MUC4: variants seen among roughly 807,000 people sequenced by gnomAD.
MUC4 encodes the protein mucin 4, cell surface associated.
A neutral mutation model predicts 257.9 loss-of-function variants in MUC4; 202 were observed. The observed-to-expected ratio is 0.78, with a 90% CI of 0.70 to 0.88. The LOEUF (loss-of-function observed/expected upper bound fraction) is 0.88, where lower values mean the gene tolerates loss of function less well. Among genes scored for constraint, MUC4 ranks in the 40% least tolerant of loss-of-function variants. MUC4 has a pLI of 0.00. For synonymous variants in MUC4, 2,351 were observed against 2,757.1 expected (o/e 0.85, Z 4.62); for missense variants, 5,976 against 6,513.7 (o/e 0.92, Z 2.84).
At chr3:195,808,120 T>C (rs752387873) in intron 1 of MUC4, among the ~76,000 whole-genome samples, 7 of 152,188 alleles carry the variant, frequency 4.6e-5, no homozygotes, top group Non-Finnish European at 1.0e-4. Flanking sequence ...CGAGGATCCT[T>C]AGATGAAGGG....
rs924693988 is a variant in MUC4 at position 195,798,939 on chromosome 3, A to T, written c.83-7442T>A. The stretch of plus-strand genomic sequence containing the variant: ...AGGGGGACTGGGAGAGCTCAGCTCC[A>T]TAGTAAAATCTAGGGTGCTGTATAA... On this transcript the variant is annotated intron_variant, in intron 1 of 24. Transcript: ENST00000463781. 2.0e-5 allele frequency among the ~76,000 whole-genome samples: 3 copies of T among 152,192 alleles called. No individual in the cohort carries two copies. In the South Asian group the frequency reaches 6.2e-4, roughly 32 times the overall value.
chr3:195,757,350 T>C lies in MUC4; in HGVS notation c.14987-22A>G. On this transcript the variant is annotated intron_variant, in intron 17 of 24. Coordinates refer to ENST00000463781, the MANE Select transcript of MUC4 (RefSeq NM_018406.7). The surrounding 1 kb of genome is among the most constrained non-coding windows in gnomAD (Gnocchi z 4.8). ...TTCTCTGCCCCGGGGAAGATGAGAA[T>C]GTTGAGAGCTGGGAGACTCCTCGGC... 6.3e-7 allele frequency: 1 copy of C among 1,577,412 alleles called. No homozygotes were observed. The highest frequency in any genetic ancestry group is 1.1e-5 in the South Asian group (1 of 87,804).
At chr3:195,749,868 T>C (rs1037352572) in intron 23 of MUC4, 1 of 152,290 alleles carries the variant, frequency 6.6e-6, no homozygotes, top group African/African-American at 2.4e-5. Context: ...TTTTTCCTCT[T>C]TTCTTTTTGT....
In MUC4 at chr3:195,783,772, G is replaced by C. The variant is rs1461535084; in HGVS notation, c.7808C>G (p.Thr2603Arg). The change falls in exon 2 of 25, where the codon ACA becomes AGA. Residue 2603 changes from threonine to arginine, a missense_variant. Thr to Arg is a moderately conservative substitution (Grantham distance 71, BLOSUM62 -1). This residue lies in a region of MUC4 where 11 missense variants were observed against 41.8 expected (regional missense o/e 0.26). Coordinates refer to ENST00000463781, the MANE Select transcript of MUC4 (RefSeq NM_018406.7). The stretch of plus-strand genomic sequence containing the variant: ...GACAGGAAGAGGGGTGGCCTGACCT[G>C]TGGATGCTGAGTAAGTGTCGGTGAC... ...LPVTDTYSAS[T>R]GQATPLPVTS... is the part of the protein sequence containing the mutation. The C allele has an allele frequency of 6.9e-7, 1 of 1,452,638 alleles. No individual in the cohort carries two copies. The highest frequency in any genetic ancestry group is 2.2e-5 in the Admixed American group (1 of 46,402). The allele number at this position is 1,452,638 out of a possible 1,614,324, so 90.0% of individuals were successfully genotyped here. A position where few individuals can be genotyped will look rare whatever the true frequency, so the allele number is the denominator to read the frequency against.
Position 195,786,378 on chromosome 3 carries a change from A to C in MUC4, c.5202T>G (p.Pro1734=). The C allele has an allele frequency of 6.5e-7, 1 of 1,527,412 alleles. No homozygotes were observed. The highest frequency in any genetic ancestry group is 8.8e-7 in the Non-Finnish European group (1 of 1,132,090). 94.6% of individuals were successfully genotyped at this position (1,527,412 alleles called of 1,614,324 possible). A position where few individuals can be genotyped will look rare whatever the true frequency, so the allele number is the denominator to read the frequency against. Residue 1734 remains proline (P), a synonymous_variant, in exon 2 of 25, where the codon CCT becomes CCG. Coordinates refer to ENST00000463781, the MANE Select transcript of MUC4 (RefSeq NM_018406.7). ...GDTTPLPVTS[P]SSASTGHASP... ...TGGCGTGACCTGTGGATGCTGAGGA[A>C]GGGCTAGTGACAGGAAGAGGCGTGG...
chr3:195,780,163 G>C lies in MUC4; in HGVS notation c.11417C>G (p.Ala3806Gly). The change falls in exon 2 of 25, where the codon GCC (alanine) becomes GGC (glycine). Residue 3806 changes from alanine to glycine, a missense_variant. Physicochemically the swap from Ala to Gly is moderately conservative, Grantham distance 60 (BLOSUM62 0). Transcript: ENST00000463781. ...TDTSSASTGQ[A>G]TPLPVTSLSS... ...AAGGCTGGTGACAGGAAGAGGGGTG[G>C]CCTGACCTGTGGATGCTGAGGAAGT... 2 of 1,476,526 alleles carry C rather than the reference G, an allele frequency of 1.4e-6. No homozygotes were observed. The highest frequency in any genetic ancestry group is 1.2e-5 in the South Asian group (1 of 80,804). 91.5% of individuals were successfully genotyped at this position (1,476,526 alleles called of 1,614,324 possible). A position where few individuals can be genotyped will look rare whatever the true frequency, so the allele number is the denominator to read the frequency against.
intron 1 of MUC4, among the ~76,000 whole-genome samples, chr3:195,806,473 A>G (rs1340389521): frequency 1.3e-5 from 2 of 152,244 alleles, no homozygotes; most frequent in African/African-American, 2.4e-5. Context: ...TAATTATTTG[A>G]TGTCTGTCTG....
Position 195,757,131 on chromosome 3 carries a change from A to T in MUC4, c.15168+16T>A, listed in dbSNP as rs775658590. On this transcript the variant is annotated intron_variant, in intron 18 of 24. Coordinates refer to ENST00000463781, the MANE Select transcript of MUC4 (RefSeq NM_018406.7). The surrounding 1 kb of genome is among the most constrained non-coding windows in gnomAD (Gnocchi z 4.8). ...CCCTCGGCACAGAAACTCCTCCCCC[A>T]CCTCCCAACACTCACCTCCAGGGAG... is the stretch of plus-strand genomic sequence containing the variant. The T allele has an allele frequency of 1.3e-6, 2 of 1,578,418 alleles. No individual in the cohort carries two copies. The highest frequency in any genetic ancestry group is 2.2e-5 in the South Asian group (2 of 89,218).
At position 195,784,072 on chromosome 3, in the gene MUC4, G is replaced by T. The variant is rs201313220; in HGVS notation, c.7508C>A (p.Ser2503Tyr). Reference sequence around the variant, plus strand: ...GGTGGTGTGACCTGTAGATGCTGAGGAAGGGCTGGTGACAGGAAGACGGGT... The same window carrying T: ...GGTGGTGTGACCTGTAGATGCTGAGTAAGGGCTGGTGACAGGAAGACGGGT... ...DTTRLPVTSPSSASTGHTTPL... is the reference protein window; with the variant it reads ...DTTRLPVTSPYSASTGHTTPL... The change falls in exon 2 of 25, where the codon TCC (serine) becomes TAC (tyrosine). Residue 2503 changes from serine to tyrosine, a missense_variant. This residue lies in a region of MUC4 where 135 missense variants were observed against 114.7 expected (regional missense o/e 1.18). Coordinates refer to ENST00000463781, the MANE Select transcript of MUC4 (RefSeq NM_018406.7). The T allele has an allele frequency of 0.094, 141,540 of 1,510,450 alleles. 8,293 individuals are homozygous for T. The highest frequency in any genetic ancestry group is 0.2 in the Middle Eastern group (902 of 4,588). 93.6% of individuals were successfully genotyped at this position (1,510,450 alleles called of 1,614,324 possible). A position where few individuals can be genotyped will look rare whatever the true frequency, so the allele number is the denominator to read the frequency against.
intron 1 of MUC4, among the ~76,000 whole-genome samples, chr3:195,808,576 C>A (rs754993680): frequency 1.9e-4 from 29 of 152,208 alleles, no homozygotes; most frequent in Non-Finnish European, 4.0e-4. Flanking sequence ...GTAGTAGCCC[C>A]TTCCCCCTGG....
chr3:195,761,024 C>A lies in MUC4; in HGVS notation c.14708G>T (p.Ser4903Ile). 2 of 1,614,194 alleles carry A rather than the reference C, an allele frequency of 1.2e-6. No homozygotes were observed. The highest frequency in any genetic ancestry group is 1.7e-6 in the Non-Finnish European group (2 of 1,180,022). Residue 4903 changes from serine (S) to isoleucine (I), a missense_variant, in exon 16 of 25, where the codon AGC becomes ATC. Physicochemically the swap from Ser to Ile is moderately radical, Grantham distance 142 (BLOSUM62 -2). Transcript: ENST00000463781. ...PVFYSQLQKN[S>I]SWAEHLISNC... Reference sequence around the variant, plus strand: ...GGAGATCAAATGTTCAGCCCAGGAGCTGTTTTTTTGCAGTTGTGAGTAGAA... The same window carrying A: ...GGAGATCAAATGTTCAGCCCAGGAGATGTTTTTTTGCAGTTGTGAGTAGAA...
chr3:195,771,909 A>G, intron 4 of MUC4, 93 bp from the exon 5 acceptor site: 1 of 1,405,168 alleles, frequency 7.1e-7, no homozygotes, highest in Non-Finnish European at 9.9e-7. Context: ...GTGACCCCCA[A>G]GGGTAGAGCT....
In MUC4 at chr3:195,789,659, G is replaced by A. The variant is rs1162042179; in HGVS notation, c.1921C>T (p.Gln641Ter). 1.2e-6 allele frequency: 2 copies of A among 1,613,908 alleles called. No individual in the cohort carries two copies. Among genetic ancestry groups the A allele is most frequent in the African/African-American group, 1.3e-5 (1 of 74,922 alleles). ...GATTCTTGTGTGGTCTGCGGGGCTT[G>A]AGTGTGACCCCTTTGGGAAACAGCT... Reference protein sequence around the residue: ...SPAVSQRGHTQAPQTTQESQT... With the variant: ...SPAVSQRGHT The change falls in exon 2 of 25, where the codon CAA becomes TAA. Residue 641 changes from glutamine (Q) to a stop codon, truncating the protein, a stop_gained. Coordinates refer to ENST00000463781, the MANE Select transcript of MUC4 (RefSeq NM_018406.7). LOFTEE classifies it high-confidence loss of function.
chr3:195,794,448 T>C (rs1734315337), intron 1 of MUC4, among the ~76,000 whole-genome samples: 1 of 152,092 alleles, frequency 6.6e-6, no homozygotes, highest in African/African-American at 2.4e-5. Flanking sequence ...CAGGGTCTTC[T>C]GTCACCCAGG....
rs879740460 is a variant in MUC4 at position 195,811,754 on chromosome 3, G to A, written c.64C>T (p.Leu22Phe). Residue 22 changes from leucine to phenylalanine, a missense_variant, in exon 1 of 25, where the codon CTT (leucine) becomes TTT (phenylalanine). By Grantham distance (22) the Leu-to-Phe change is conservative. This residue lies in a region of MUC4 where 1,583 missense variants were observed against 1,257.4 expected (regional missense o/e 1.26). Coordinates refer to ENST00000463781, the MANE Select transcript of MUC4 (RefSeq NM_018406.7). Reference sequence around the variant, plus strand: ...CACTTACCTGGGACCACATGCGGAAGGAGGCAGAGACACAGGCAGCTCAGG... The same window carrying A: ...CACTTACCTGGGACCACATGCGGAAAGAGGCAGAGACACAGGCAGCTCAGG... ...VSLSCLCLCL[L>F]PHVVPGTTED... is the part of the protein sequence containing the mutation. 4.3e-6 allele frequency: 7 copies of A among 1,613,912 alleles called. No homozygotes were observed. Among genetic ancestry groups the A allele is most frequent in the Admixed American group, 3.3e-5 (2 of 60,004 alleles).
chr3:195,760,053 C>T (rs1226692497), intron 16 of MUC4, among the ~76,000 whole-genome samples: 1 of 151,136 alleles, frequency 6.6e-6, no homozygotes, highest in Non-Finnish European at 1.5e-5. Context: ...TTCATAGTTG[C>T]TTCACACATT....
chr3:195,747,006 G>A lies in MUC4; in HGVS notation c.*170C>T, dbSNP rs1322409675. ...TTATGGCCTCCCCCTGTGCACCTGC[G>A]CCTATGGATAAGGTATAGTCTTGTC... is the stretch of plus-strand genomic sequence containing the variant. On this transcript the variant is annotated 3_prime_UTR_variant, in exon 25 of 25. Transcript: ENST00000463781. The A allele has an allele frequency of 2.4e-5, 23 of 957,734 alleles. 1 individual carries two copies. The highest frequency in any genetic ancestry group is 1.2e-4 in the South Asian group (7 of 59,122). 59.3% of individuals were successfully genotyped at this position (957,734 alleles called of 1,614,324 possible).
At position 195,749,000 on chromosome 3, in the gene MUC4, G is replaced by A. The variant is rs1715768367; in HGVS notation, c.15936C>T (p.Tyr5312=). ...CDGYKGYDLV[Y]SPQSGFTCVS... ...CGCAGGTGAAGCCGCTCTGGGGGCT[G>A]TAGACCAGGTCGTAGCCCTTGTAGC... is the stretch of plus-strand genomic sequence containing the variant. The change falls in exon 24 of 25, where the codon TAC becomes TAT. Residue 5312 remains tyrosine, a synonymous_variant. Transcript: ENST00000463781. 6 of 1,609,670 alleles carry A rather than the reference G, an allele frequency of 3.7e-6. No homozygotes were observed. Among genetic ancestry groups the A allele is most frequent in the South Asian group, 1.1e-5 (1 of 90,060 alleles).
At chr3:195,773,906 C>T (rs186595250) in intron 4 of MUC4, among the ~76,000 whole-genome samples, 8 of 152,358 alleles carry the variant, frequency 5.3e-5, no homozygotes, top group East Asian at 3.9e-4. Flanking sequence ...AAGGTGGAAA[C>T]GGCAGGAACA....
Sources: gnomAD v4.1 joint callset for allele counts (sites outside exome capture counted in the v4.1 genomes callset) on GRCh38, gnomAD v4.1.1 for gene constraint, gnomAD v4.1.1 regional missense constraint, Gnocchi (gnomAD v3.1) non-coding constraint, MANE v1.5 for transcripts, NCBI Gene and HGNC (gene_info 2026-07-23, HGNC 2026-07-21) for gene names.